RNF150: variants seen among roughly 807,000 people sequenced by gnomAD.
RNF150 encodes ring finger protein 150.
A neutral mutation model predicts 39.3 loss-of-function variants in RNF150; 24 were observed. That is an observed-to-expected ratio of 0.61 (90% CI 0.44 to 0.86). RNF150 has a LOEUF of 0.86. Ranked by LOEUF, RNF150 falls within the 40% of genes least tolerant of loss-of-function variation. The pLI is 0.00. For missense variants in RNF150, 502 were observed against 587.8 expected (o/e 0.85, Z 1.51); for synonymous variants, 255 against 227.3 (o/e 1.12, Z -1.10).
chr4:141,053,610 A>G, intron 1 of RNF150: 1 of 768,276 alleles, frequency 1.3e-6, no homozygotes, highest in African/African-American at 1.8e-5. Flanking sequence ...GTTAAGGAAG[A>G]TATCATGGAA....
chr4:141,094,291 A>C (rs1407069136), intron 1 of RNF150, among the ~76,000 whole-genome samples: 3 of 152,354 alleles, frequency 2.0e-5, no homozygotes, highest in African/African-American at 7.2e-5. Context: ...ACACAAAGGG[A>C]AGATATTGAA....
intron 6 of RNF150, among the ~76,000 whole-genome samples, chr4:140,869,341 A>T (rs1728839716): frequency 6.6e-6 from 1 of 152,226 alleles, no homozygotes; most frequent in Non-Finnish European, 1.5e-5. Flanking sequence ...GGAAGCAAAG[A>T]AACCAAAAAT....
chr4:141,191,914 T>TGCTACTTTGG (rs1553954205), intron 1 of RNF150, among the ~76,000 whole-genome samples: 1 of 151,194 alleles, frequency 6.6e-6, no homozygotes, highest in African/African-American at 2.4e-5. Context: ...TCATTTTTCC[T>TGCTACTTTGG]GCCACTTTGG....
chr4:141,108,378 C>T (rs1258950497), intron 1 of RNF150, among the ~76,000 whole-genome samples: 1 of 152,110 alleles, frequency 6.6e-6, no homozygotes, highest in African/African-American at 2.4e-5. Flanking sequence ...CATAGAGCTT[C>T]TTAGAATACG....
chr4:140,974,613 C>T (rs1274183390), intron 1 of RNF150, among the ~76,000 whole-genome samples: 2 of 152,054 alleles, frequency 1.3e-5, no homozygotes, highest in Non-Finnish European at 2.9e-5. Flanking sequence ...TTTTACATTC[C>T]CACCAGCAAT....
chr4:140,960,326 T>A (rs1308868504), intron 2 of RNF150, among the ~76,000 whole-genome samples: 1 of 152,210 alleles, frequency 6.6e-6, no homozygotes, highest in African/African-American at 2.4e-5. Flanking sequence ...GGACTATCTA[T>A]ATTTTGGTCT....
chr4:140,882,196 T>C (rs1416718191), intron 6 of RNF150, among the ~76,000 whole-genome samples: 1 of 152,020 alleles, frequency 6.6e-6, no homozygotes, highest in Non-Finnish European at 1.5e-5. Flanking sequence ...ATTTTTTGTA[T>C]TTTTAGTAGA....
At chr4:140,912,117 A>T (rs1730631381) in intron 5 of RNF150, among the ~76,000 whole-genome samples, 1 of 152,194 alleles carries the variant, frequency 6.6e-6, no homozygotes, top group South Asian at 2.1e-4. Flanking sequence ...CTGCTTTGCA[A>T]GGCACTCTGT....
intron 1 of RNF150, among the ~76,000 whole-genome samples, chr4:141,076,607 G>A (rs1737903635): frequency 6.6e-6 from 1 of 151,532 alleles, no homozygotes; most frequent in Admixed American, 6.6e-5. Flanking sequence ...CAGCACCTTT[G>A]TGGGTAGATC....
chr4:141,083,472 T>C (rs989342311), intron 1 of RNF150, among the ~76,000 whole-genome samples: 3 of 152,182 alleles, frequency 2.0e-5, no homozygotes, highest in African/African-American at 7.2e-5. Context: ...GTTGGTGGTG[T>C]TGGTTTTAGT....
intron 1 of RNF150, among the ~76,000 whole-genome samples, chr4:141,083,770 C>G (rs28529555): frequency 6.6e-6 from 1 of 151,910 alleles, no homozygotes; most frequent in Non-Finnish European, 1.5e-5. Flanking sequence ...CACAAAGCTA[C>G]GTGGTTCAAA....
At chr4:141,030,833 C>T (rs4317270) in intron 1 of RNF150, among the ~76,000 whole-genome samples, 118,949 of 151,950 alleles carry the variant, frequency 0.78, 47,014 homozygotes, top group African/African-American at 0.81. Flanking sequence ...AATTGCTTAA[C>T]GGATATAGAG....
In RNF150 at chr4:140,901,725, G is replaced by A. The variant is rs553836418; in HGVS notation, c.1198+9419C>T. 3.3e-5 allele frequency among the ~76,000 whole-genome samples: 5 copies of A among 152,292 alleles called. No individual in the cohort carries two copies. In the South Asian group the frequency reaches 8.3e-4, roughly 25 times the overall value. ...CTATAAATTTAAGGGGGTAACTGGC[G>A]ATTTCTCAAGAAATTGTATCAGAGA... On this transcript the variant is annotated intron_variant, in intron 6 of 6. Coordinates refer to ENST00000515673, the MANE Select transcript of RNF150 (RefSeq NM_020724.2).
intron 1 of RNF150, among the ~76,000 whole-genome samples, chr4:141,196,238 CT>C (rs1728199271): frequency 6.6e-6 from 1 of 152,148 alleles, no homozygotes; most frequent in African/African-American, 2.4e-5. Context: ...TAAAAAAACC[CT>C]GATCCCCTTA....
At chr4:140,900,564 C>T (rs901146707) in intron 6 of RNF150, among the ~76,000 whole-genome samples, 5 of 152,276 alleles carry the variant, frequency 3.3e-5, no homozygotes, top group East Asian at 1.9e-4. Context: ...TAATTGAAGA[C>T]GAGCAAGGTG....
At chr4:140,975,780 C>A (rs1733640375) in intron 1 of RNF150, among the ~76,000 whole-genome samples, 1 of 152,134 alleles carries the variant, frequency 6.6e-6, no homozygotes, top group Admixed American at 6.5e-5. Flanking sequence ...CACCAAGAAA[C>A]AACCAATGAG....
At chr4:141,183,357 T>C (rs1578785160) in intron 1 of RNF150, among the ~76,000 whole-genome samples, 1 of 152,108 alleles carries the variant, frequency 6.6e-6, no homozygotes, top group Non-Finnish European at 1.5e-5. Flanking sequence ...CTGGTATATA[T>C]GCCTTATGTA....
upstream of RNF150, among the ~76,000 whole-genome samples, chr4:141,137,858 T>C (rs1264235401): frequency 6.6e-6 from 1 of 152,162 alleles, no homozygotes; most frequent in Non-Finnish European, 1.5e-5. Context: ...AGTCCTGGCC[T>C]TTGGGGGACT....
At chr4:141,186,559 C>T (rs567763714) in intron 1 of RNF150, among the ~76,000 whole-genome samples, 44 of 142,700 alleles carry the variant, frequency 3.1e-4, no homozygotes, top group Admixed American at 3.1e-3. Context: ...CCACCATGCC[C>T]GGCTATTTTT....
Sources: allele counts gnomAD v4.1 joint callset (sites outside exome capture counted in the v4.1 genomes callset), GRCh38; gene constraint gnomAD v4.1.1; transcripts MANE v1.5; gene names NCBI Gene and HGNC (gene_info 2026-07-23, HGNC 2026-07-21).